SLC25A48: variants seen among roughly 807,000 people sequenced by gnomAD.
SLC25A48 encodes the protein solute carrier family 25 member 48, also known as CTC-321K16.1.
SLC25A48 carries 29 observed loss-of-function variants against 32.2 expected under a neutral mutation model. The ratio of observed to expected loss-of-function variants is 0.90; its 90% CI spans 0.67 to 1.23. The LOEUF is 1.23. SLC25A48 is among the 50% of genes most tolerant of loss of function. SLC25A48 has a pLI of 0.00. For missense variants in SLC25A48, 399 were observed against 422.7 expected, an observed-to-expected ratio of 0.94 and a Z score of 0.49; for synonymous variants, 164 against 172.3, an observed-to-expected ratio of 0.95 and a Z score of 0.38.
At chr5:135,615,417 A>G (rs1290289910) in intron 1 of SLC25A48, among the ~76,000 whole-genome samples, 1 of 152,224 alleles carries the variant, frequency 6.6e-6, no homozygotes, top group Non-Finnish European at 1.5e-5. Flanking sequence ...GGTTGGTGGC[A>G]TTGTGCTCCT....
intron 1 of SLC25A48, among the ~76,000 whole-genome samples, chr5:135,618,566 CTTTG>C (rs1196091686): frequency 6.6e-6 from 1 of 151,582 alleles, no homozygotes; most frequent in Non-Finnish European, 1.5e-5. Context: ...TTTTTCTTTT[CTTTG>C]TTTGTATGTT....
At chr5:135,603,056 G>A (rs552516472) in intron 1 of SLC25A48, among the ~76,000 whole-genome samples, 36 of 152,290 alleles carry the variant, frequency 2.4e-4, no homozygotes, top group African/African-American at 6.0e-4. Flanking sequence ...GAACCTGTGC[G>A]CACGTCGGTT....
chr5:135,700,150 A>G (rs1293626912), intron 3 of SLC25A48, among the ~76,000 whole-genome samples: 13 of 151,708 alleles, frequency 8.6e-5, no homozygotes, highest in South Asian at 4.2e-4. Flanking sequence ...TGGGAGGCCA[A>G]CTCCTGAGGT....
chr5:135,721,192 C>CTTTATTTTTTTTTTT (rs1754944813), intron 3 of SLC25A48, among the ~76,000 whole-genome samples: 1 of 53,866 alleles, frequency 1.9e-5, no homozygotes, highest in Non-Finnish European at 4.2e-5. Context: ...CATGCCTGGC[C>CTTTATTTTTTTTTTT]TTTTTTTTTT....
At chr5:135,648,245 A>G (rs1753018502) in intron 3 of SLC25A48, among the ~76,000 whole-genome samples, 1 of 152,138 alleles carries the variant, frequency 6.6e-6, no homozygotes, top group South Asian at 2.1e-4. Flanking sequence ...GCCATGCTGA[A>G]GTCTTGACAG....
intron 3 of SLC25A48, among the ~76,000 whole-genome samples, chr5:135,645,343 A>G (rs562422368): frequency 1.3e-5 from 2 of 152,364 alleles, no homozygotes; most frequent in East Asian, 1.9e-4. Flanking sequence ...TTTTGTTCAC[A>G]TAATTATTCA....
At chr5:135,774,694 A>G (rs916621319) in intron 3 of SLC25A48, among the ~76,000 whole-genome samples, 9 of 151,654 alleles carry the variant, frequency 5.9e-5, no homozygotes, top group Non-Finnish European at 5.9e-5. Flanking sequence ...TATTGTTCCC[A>G]ATATAAGGGG....
intron 3 of SLC25A48, among the ~76,000 whole-genome samples, chr5:135,656,238 T>TGTGAAA (rs1753244592): frequency 6.6e-6 from 1 of 152,110 alleles, no homozygotes. Flanking sequence ...TATCCTGGGT[T>TGTGAAA]GTGAAAGTTC....
intron 3 of SLC25A48, chr5:135,648,448 T>TA (rs1210547384): frequency 6.6e-6 from 1 of 152,224 alleles, no homozygotes; most frequent in Non-Finnish European, 1.5e-5. Flanking sequence ...TTTGTTCTCT[T>TA]AAAAACTAGA....
chr5:135,674,705 T>A (rs772795532), intron 3 of SLC25A48, among the ~76,000 whole-genome samples: 3 of 152,084 alleles, frequency 2.0e-5, no homozygotes, highest in Admixed American at 6.5e-5. Context: ...AGTATTTAAG[T>A]ATGTATGTAT....
chr5:135,688,058 C>T (rs1370577318), intron 3 of SLC25A48, among the ~76,000 whole-genome samples: 1 of 10,364 alleles, frequency 9.6e-5, no homozygotes, highest in Non-Finnish European at 3.0e-4. Flanking sequence ...CCCCAGCAAC[C>T]GCCAAGTCTA....
chr5:135,653,814 C>CAGCGGGTATTTCCTT (rs1753174927), intron 3 of SLC25A48: 1 of 456,224 alleles, frequency 2.2e-6, no homozygotes, highest in Non-Finnish European at 4.4e-6. Context: ...ATCTCATTGA[C>CAGCGGGTATTTCCTT]AGCGGGTATT....
At chr5:135,818,054 CCTCTCTCTCTCTCTCTCTCTCTCT>C (rs58632457) in intron 4 of SLC25A48, among the ~76,000 whole-genome samples, 4,947 of 80,706 alleles carry the variant, frequency 0.061, 135 homozygotes, top group Middle Eastern at 0.094. Context: ...TCTCTCTGTT[CCTCTCTCTCTCTCTCTCTCTCTCT>C]CTCTCTCTCT....
chr5:135,808,281 G>A (rs1213719183), intron 3 of SLC25A48, among the ~76,000 whole-genome samples: 1 of 150,274 alleles, frequency 6.7e-6, no homozygotes, highest in Non-Finnish European at 1.5e-5. Context: ...TATTAACATA[G>A]TGTATTATAT....
chr5:135,755,583 T>G (rs556818418), intron 3 of SLC25A48, among the ~76,000 whole-genome samples: 1 of 152,170 alleles, frequency 6.6e-6, no homozygotes, highest in African/African-American at 2.4e-5. Context: ...AATATCGCTG[T>G]GATATTTACC....
At chr5:135,645,045 G>T (rs1038854458) in intron 3 of SLC25A48, among the ~76,000 whole-genome samples, 3 of 152,116 alleles carry the variant, frequency 2.0e-5, no homozygotes, top group Non-Finnish European at 4.4e-5. Context: ...ACAGCCAAAG[G>T]CTCCACAAGG....
At chr5:135,739,257 A>G (rs1755446950) in intron 3 of SLC25A48, among the ~76,000 whole-genome samples, 1 of 152,128 alleles carries the variant, frequency 6.6e-6, no homozygotes, top group Admixed American at 6.5e-5. Flanking sequence ...AGCTGGGACT[A>G]CAAGTGCTCA....
intron 4 of SLC25A48, among the ~76,000 whole-genome samples, chr5:135,822,625 C>T (rs751200297): frequency 6.6e-6 from 1 of 152,184 alleles, no homozygotes. Context: ...CCACCCTGAC[C>T]CGGTGTGACC....
chr5:135,869,278 G>C (rs965509923), intron 4 of SLC25A48, among the ~76,000 whole-genome samples: 2 of 152,114 alleles, frequency 1.3e-5, no homozygotes, highest in Non-Finnish European at 2.9e-5. Context: ...TCAGTATCCT[G>C]GTGATGGGAG....
Sources: allele counts gnomAD v4.1 joint callset (sites outside exome capture counted in the v4.1 genomes callset), GRCh38; gene constraint gnomAD v4.1.1; transcripts MANE v1.5; gene names NCBI Gene and HGNC (gene_info 2026-07-23, HGNC 2026-07-21).